FAM227B: variants seen among roughly 807,000 people sequenced by gnomAD.
The protein encoded by FAM227B is family with sequence similarity 227 member B.
FAM227B carries 88 observed loss-of-function variants against 73.8 expected under a neutral mutation model. The ratio of observed to expected loss-of-function variants is 1.19; its 90% CI spans 1.00 to 1.42. The LOEUF (loss-of-function observed/expected upper bound fraction) is 1.42. Among genes scored for constraint, FAM227B ranks in the 40% most tolerant of loss-of-function variants. The pLI is 0.00. For synonymous variants in FAM227B, 210 were observed against 190.5 expected (o/e 1.10, Z -0.84); for missense variants, 632 against 590.9 (o/e 1.07, Z -0.72).
chr15:49,480,417 C>T (rs1258348652), intron 11 of FAM227B, among the ~76,000 whole-genome samples: 2 of 151,916 alleles, frequency 1.3e-5, no homozygotes, highest in African/African-American at 4.8e-5. Flanking sequence ...AAGTGATTCC[C>T]CTGCCTCAGC....
intron 11 of FAM227B, among the ~76,000 whole-genome samples, chr15:49,439,462 T>C (rs2051424958): frequency 6.6e-6 from 1 of 151,734 alleles, no homozygotes; most frequent in Admixed American, 6.6e-5. Flanking sequence ...GTGTGAATAG[T>C]GAATACTAAG....
chr15:49,588,967 A>G (rs979789983), intron 4 of FAM227B, among the ~76,000 whole-genome samples: 1 of 152,102 alleles, frequency 6.6e-6, no homozygotes, highest in African/African-American at 2.4e-5. Flanking sequence ...AAAACACTTT[A>G]TAAGTACAAT....
At chr15:49,563,100 A>C (rs905081054) in intron 9 of FAM227B, among the ~76,000 whole-genome samples, 1 of 152,148 alleles carries the variant, frequency 6.6e-6, no homozygotes, top group African/African-American at 2.4e-5. Flanking sequence ...AACATCCTAA[A>C]GACTCTGCCA....
intron 9 of FAM227B, among the ~76,000 whole-genome samples, chr15:49,550,741 G>A (rs1465412921): frequency 2.0e-5 from 3 of 150,930 alleles, no homozygotes; most frequent in African/African-American, 4.9e-5. Context: ...GGGAAGAGGC[G>A]CTCGTCACTT....
At chr15:49,508,400 C>G in intron 10 of FAM227B, 52 bp from the exon 11 acceptor site, 8 of 1,437,972 alleles carry the variant, frequency 5.6e-6, no homozygotes, top group Non-Finnish European at 7.5e-6. Flanking sequence ...TTTGAAAATA[C>G]CTTTTAATTT....
intron 13 of FAM227B, among the ~76,000 whole-genome samples, chr15:49,343,236 T>A (rs922781716): frequency 3.9e-5 from 6 of 152,168 alleles, no homozygotes; most frequent in South Asian, 4.1e-4. Flanking sequence ...ATTCTTTTTT[T>A]AATTTTTTGT....
At chr15:49,451,359 T>G (rs2052720685) in intron 11 of FAM227B, among the ~76,000 whole-genome samples, 1 of 152,024 alleles carries the variant, frequency 6.6e-6, no homozygotes, top group Non-Finnish European at 1.5e-5. Flanking sequence ...AATGATAAAG[T>G]ATTTTTTCTT....
intron 11 of FAM227B, among the ~76,000 whole-genome samples, chr15:49,442,254 T>C (rs1226464789): frequency 6.6e-6 from 1 of 151,664 alleles, no homozygotes. Context: ...TAAACATCCA[T>C]ACTTTTTCAC....
intron 10 of FAM227B, among the ~76,000 whole-genome samples, chr15:49,529,243 T>C (rs1017161717): frequency 2.0e-5 from 3 of 151,554 alleles, no homozygotes; most frequent in Non-Finnish European, 4.4e-5. Context: ...AAATACCATA[T>C]ATTCTCATAA....
At chr15:49,472,495 T>C (rs2054867245) in intron 11 of FAM227B, among the ~76,000 whole-genome samples, 1 of 152,186 alleles carries the variant, frequency 6.6e-6, no homozygotes, top group African/African-American at 2.4e-5. Flanking sequence ...ATGGCCACAT[T>C]AAGCTGCAAA....
chr15:49,577,000 C>A (rs2075487938), intron 6 of FAM227B, among the ~76,000 whole-genome samples, 155 bp from the exon 7 acceptor site: 1 of 152,122 alleles, frequency 6.6e-6, no homozygotes, highest in Non-Finnish European at 1.5e-5. Flanking sequence ...TATAACCCAT[C>A]TAAGAAAAAC....
At chr15:49,560,614 T>C (rs1377643086) in intron 9 of FAM227B, among the ~76,000 whole-genome samples, 2 of 152,120 alleles carry the variant, frequency 1.3e-5, no homozygotes, top group Non-Finnish European at 2.9e-5. Flanking sequence ...AAGTATCTTA[T>C]AGCCACCTAG....
At chr15:49,582,653 A>T (rs2075889293) in intron 5 of FAM227B, among the ~76,000 whole-genome samples, 1 of 152,172 alleles carries the variant, frequency 6.6e-6, no homozygotes, top group Admixed American at 6.6e-5. Flanking sequence ...TACAGAACTC[A>T]CCACTCCAAA....
At chr15:49,432,855 G>A (rs930455652) in intron 11 of FAM227B, among the ~76,000 whole-genome samples, 4 of 151,468 alleles carry the variant, frequency 2.6e-5, no homozygotes, top group African/African-American at 9.7e-5. Context: ...CCACCCTCCT[G>A]TAACAAGAAA....
At chr15:49,413,526 C>T (rs1385410062) in intron 11 of FAM227B, among the ~76,000 whole-genome samples, 1 of 152,062 alleles carries the variant, frequency 6.6e-6, no homozygotes, top group Non-Finnish European at 1.5e-5. Flanking sequence ...TCCTTTCCAT[C>T]TCCCTTACCA....
chr15:49,432,050 C>T (rs1376413331), intron 11 of FAM227B, among the ~76,000 whole-genome samples: 1 of 151,578 alleles, frequency 6.6e-6, no homozygotes, highest in African/African-American at 2.4e-5. Context: ...GCTTATTTAT[C>T]AGAATTATTC....
At chr15:49,593,572 G>T (rs1052072674) in intron 3 of FAM227B, among the ~76,000 whole-genome samples, 12 of 152,062 alleles carry the variant, frequency 7.9e-5, no homozygotes, top group Non-Finnish European at 1.6e-4. Context: ...CCAATGTGTA[G>T]TCTTTTGTAC....
intron 11 of FAM227B, chr15:49,424,607 A>G: frequency 6.6e-7 from 1 of 1,518,974 alleles, no homozygotes; most frequent in Middle Eastern, 1.9e-4. Flanking sequence ...AGTACTGCTC[A>G]TGAACCTTAG....
intron 11 of FAM227B, among the ~76,000 whole-genome samples, chr15:49,434,940 T>C (rs1199677556): frequency 6.6e-6 from 1 of 151,518 alleles, no homozygotes; most frequent in Non-Finnish European, 1.5e-5. Flanking sequence ...ATAATTCAAT[T>C]GGAATAATAT....
Sources: allele counts gnomAD v4.1 joint callset (sites outside exome capture counted in the v4.1 genomes callset), GRCh38; gene constraint gnomAD v4.1.1; transcripts MANE v1.5; gene names NCBI Gene and HGNC (gene_info 2026-07-23, HGNC 2026-07-21).